The following POLDIP2 variants were observed in gnomAD, a reference collection of about 807,000 sequenced individuals.
POLDIP2 encodes the protein polymerase delta-interacting protein 2.
A neutral mutation model predicts 52.9 loss-of-function variants in POLDIP2; 32 were observed. The ratio of observed to expected loss-of-function variants is 0.61; its 90% CI spans 0.46 to 0.81. POLDIP2 has a LOEUF of 0.81. Ranked by LOEUF, POLDIP2 falls within the 40% of genes least tolerant of loss-of-function variation. The pLI is 0.00. For synonymous variants in POLDIP2, 183 were observed against 183.0 expected (o/e 1.00, Z 0.00); for missense variants, 371 against 477.3 (o/e 0.78, Z 2.07).
chr17:28,354,941 C>G (rs1160831567), intron 2 of POLDIP2, among the ~76,000 whole-genome samples: 3 of 152,166 alleles, frequency 2.0e-5, no homozygotes, highest in Non-Finnish European at 4.4e-5. Context: ...CCCTAATGCA[C>G]AATGCCTAGT....
At position 28,348,067 on chromosome 17, in the gene POLDIP2, G is replaced by A. The variant is rs1555579285; in HGVS notation, c.*50C>T. The stretch of plus-strand genomic sequence containing the variant: ...GAGTTCTGCAGCAATTGTGGGATGA[G>A]AGTTGTTCTTCCCGGTGACCAAGCC... On this transcript the variant is annotated 3_prime_UTR_variant, in exon 11 of 11. Transcript: ENST00000540200. The A allele has an allele frequency of 9.8e-7, 1 of 1,021,420 alleles. No homozygotes were observed. The allele number at this position is 1,021,420 out of a possible 1,614,324, so 63.3% of individuals were successfully genotyped here. A position where few individuals can be genotyped will look rare whatever the true frequency, so the allele number is the denominator to read the frequency against.
At chr17:28,353,137 C>CA in intron 5 of POLDIP2, 104 bp downstream of exon 5, 1 of 756,240 alleles carries the variant, frequency 1.3e-6, no homozygotes, top group Admixed American at 2.0e-5. Flanking sequence ...TCATACCTCT[C>CA]AGCATCATAA....
Position 28,357,511 on chromosome 17 carries a change from C to A in POLDIP2, c.-63G>T. 1.4e-6 allele frequency: 2 copies of A among 1,438,584 alleles called. No individual in the cohort carries two copies. The highest frequency in any genetic ancestry group is 2.6e-4 in the Middle Eastern group (1 of 3,902). 89.1% of individuals were successfully genotyped at this position (1,438,584 alleles called of 1,614,324 possible). ...CCCGACCCGCGGCCGGGCGGCGTTC[C>A]GCCCCAGTCCCACACTGCCCCGCGC... On this transcript the variant is annotated 5_prime_UTR_variant, in exon 1 of 11. Coordinates refer to ENST00000540200, the MANE Select transcript of POLDIP2 (RefSeq NM_015584.5).
At chr17:28,356,312 A>G (rs556611961) in intron 1 of POLDIP2, among the ~76,000 whole-genome samples, 1 of 151,776 alleles carries the variant, frequency 6.6e-6, no homozygotes, top group African/African-American at 2.4e-5. Flanking sequence ...CTCCCTTTAC[A>G]TTTCAGTTGT....
At chr17:28,353,880 G>A (rs1907917984) in intron 3 of POLDIP2, 89 bp from the exon 4 acceptor site, 1 of 846,304 alleles carries the variant, frequency 1.2e-6, no homozygotes, top group Admixed American at 1.7e-5. Flanking sequence ...CACCTAAACA[G>A]GCTGGTCTCT....
chr17:28,356,819 C>A (rs1171026190), intron 1 of POLDIP2, among the ~76,000 whole-genome samples: 1 of 152,226 alleles, frequency 6.6e-6, no homozygotes, highest in Non-Finnish European at 1.5e-5. Context: ...AAACCCCCTT[C>A]CCCAAGTCAC....
chr17:28,353,520 C>CAGAAAAAAAAAAAAAAAAAAAAAAAAA (rs1907897128), intron 4 of POLDIP2, among the ~76,000 whole-genome samples, 175 bp downstream of exon 4: 1 of 54,814 alleles, frequency 1.8e-5, no homozygotes, highest in East Asian at 2.1e-3. Flanking sequence ...GACTCCATAT[C>CAGAAAAAAAAAAAAAAAAAAAAAAAAA]AAAAAAAAAA....
Position 28,347,934 on chromosome 17 carries a change from G to T in POLDIP2, c.*183C>A, listed in dbSNP as rs1907645218. 2 of 592,672 alleles carry T rather than the reference G, an allele frequency of 3.4e-6. No individual in the cohort carries two copies. Among genetic ancestry groups the T allele is most frequent in the Non-Finnish European group, 3.0e-6 (1 of 332,876 alleles). The allele number at this position is 592,672 out of a possible 1,614,324, so 36.7% of individuals were successfully genotyped here. A position where few individuals can be genotyped will look rare whatever the true frequency, so the allele number is the denominator to read the frequency against. On this transcript the variant is annotated 3_prime_UTR_variant, in exon 11 of 11. Coordinates refer to ENST00000540200, the MANE Select transcript of POLDIP2 (RefSeq NM_015584.5). ...AGGGCTTATGAGGAGGCCAGCCTTG[G>T]AGGTGTCCCACATGGGTCTTCTGAA...
Position 28,348,977 on chromosome 17 carries a change from G to A in POLDIP2, c.992+106C>T, listed in dbSNP as rs148742986. 457 of 698,298 alleles carry A rather than the reference G, an allele frequency of 6.5e-4. 1 individual carries two copies. The East Asian group carries it at 0.012, about 18-fold the overall frequency. The allele number at this position is 698,298 out of a possible 1,614,324, so 43.3% of individuals were successfully genotyped here. On this transcript the variant is annotated intron_variant, in intron 10 of 10. Transcript: ENST00000540200. ...AGCAGATAAGGCTCCCTCTAAGAAT[G>A]TAACTTGGCCCAGAGTTAATGGCAA...
chr17:28,347,931 T>C lies in POLDIP2; in HGVS notation c.*186A>G, dbSNP rs1422997940. ...GGCAGGGCTTATGAGGAGGCCAGCCTTGGAGGTGTCCCACATGGGTCTTCT... is the reference window on the plus strand; with the variant it reads ...GGCAGGGCTTATGAGGAGGCCAGCCCTGGAGGTGTCCCACATGGGTCTTCT... On this transcript the variant is annotated 3_prime_UTR_variant, in exon 11 of 11. Transcript: ENST00000540200. 3.4e-6 allele frequency: 2 copies of C among 591,210 alleles called. No homozygotes were observed. Among genetic ancestry groups the C allele is most frequent in the African/African-American group, 1.9e-5 (1 of 53,576 alleles). 36.6% of individuals were successfully genotyped at this position (591,210 alleles called of 1,614,324 possible). A position where few individuals can be genotyped will look rare whatever the true frequency, so the allele number is the denominator to read the frequency against.
At chr17:28,353,825 C>T (rs1907916834) in intron 3 of POLDIP2, 34 bp from the exon 4 acceptor site, 3 of 1,411,460 alleles carry the variant, frequency 2.1e-6, no homozygotes, top group Non-Finnish European at 3.0e-6. Context: ...AAGATCACCC[C>T]AGGAGAAATG....
In POLDIP2 at chr17:28,348,039, G is replaced by T; in HGVS notation, c.*78C>A. 3 of 825,818 alleles carry T rather than the reference G, an allele frequency of 3.6e-6. No individual in the cohort carries two copies. The highest frequency in any genetic ancestry group is 4.1e-6 in the Non-Finnish European group (2 of 484,386). 51.2% of individuals were successfully genotyped at this position (825,818 alleles called of 1,614,324 possible). ...CCCACTGTGGCCCATGATGGGGAGAGAAGAGTTCTGCAGCAATTGTGGGAT... is the reference window on the plus strand; with the variant it reads ...CCCACTGTGGCCCATGATGGGGAGATAAGAGTTCTGCAGCAATTGTGGGAT... On this transcript the variant is annotated 3_prime_UTR_variant, in exon 11 of 11. Coordinates refer to ENST00000540200, the MANE Select transcript of POLDIP2 (RefSeq NM_015584.5).
At chr17:28,354,988 A>C (rs1242080886) in intron 2 of POLDIP2, among the ~76,000 whole-genome samples, 3 of 152,244 alleles carry the variant, frequency 2.0e-5, no homozygotes, top group African/African-American at 7.2e-5. Context: ...ATGTTGAACA[A>C]ACAAAAAGTC....
Position 28,352,836 on chromosome 17 carries a change from G to A in POLDIP2, c.622+76C>T, listed in dbSNP as rs1907859930. On this transcript the variant is annotated intron_variant, in intron 6 of 10. Transcript: ENST00000540200. The stretch of plus-strand genomic sequence containing the variant: ...TTACAGGCGTGAGCCACCGTGCCCG[G>A]CCCTGGAATTATTTCTATGATATTC... 3 of 899,190 alleles carry A rather than the reference G, an allele frequency of 3.3e-6. No homozygotes were observed. The East Asian group carries it at 7.8e-5, about 23-fold the overall frequency. The allele number at this position is 899,190 out of a possible 1,614,324, so 55.7% of individuals were successfully genotyped here.
chr17:28,356,814 C>T (rs1422262155), intron 1 of POLDIP2, among the ~76,000 whole-genome samples: 1 of 152,202 alleles, frequency 6.6e-6, no homozygotes, highest in Non-Finnish European at 1.5e-5. Flanking sequence ...GCCTCAAACC[C>T]CCTTCCCCAA....
At chr17:28,348,705 C>CTT (rs1907681745) in intron 10 of POLDIP2, among the ~76,000 whole-genome samples, 2 of 152,306 alleles carry the variant, frequency 1.3e-5, no homozygotes, top group South Asian at 2.1e-4. Flanking sequence ...AGTGAAACTC[C>CTT]ATCTCACAAA....
intron 9 of POLDIP2, among the ~76,000 whole-genome samples, chr17:28,349,715 T>C (rs1907725436): frequency 1.3e-5 from 2 of 152,166 alleles, no homozygotes; most frequent in Admixed American, 6.5e-5. Flanking sequence ...TCTGCAAACC[T>C]CTGCTGCTTT....
At chr17:28,352,280 C>T (rs563999590) in intron 6 of POLDIP2, among the ~76,000 whole-genome samples, 79 of 110,696 alleles carry the variant, frequency 7.1e-4, no homozygotes, top group Non-Finnish European at 1.1e-3. Flanking sequence ...GATCTGTTGC[C>T]GGGATGGAGT....
At chr17:28,352,512 AG>A (rs1483522370) in intron 6 of POLDIP2, among the ~76,000 whole-genome samples, 1 of 144,830 alleles carries the variant, frequency 6.9e-6, no homozygotes, top group East Asian at 2.0e-4. Flanking sequence ...CTGGAGTTAT[AG>A]GCGTGAGCCA....
Sources: gnomAD v4.1 joint callset for allele counts (sites outside exome capture counted in the v4.1 genomes callset) on GRCh38, gnomAD v4.1.1 for gene constraint, MANE v1.5 for transcripts, NCBI Gene and HGNC (gene_info 2026-07-23, HGNC 2026-07-21) for gene names.